LHPP: variants seen among roughly 807,000 people sequenced by gnomAD.
LHPP encodes the protein hLHPP.
A neutral mutation model predicts 30.3 loss-of-function variants in LHPP; 24 were observed. That is an observed-to-expected ratio of 0.79 (90% CI 0.57 to 1.11). The LOEUF (loss-of-function observed/expected upper bound fraction) is 1.11, where lower values mean the gene tolerates loss of function less well. Among genes scored for constraint, LHPP ranks in the 50% most tolerant of loss-of-function variants. The pLI is 0.00. For missense variants in LHPP, 356 were observed against 367.2 expected, an observed-to-expected ratio of 0.97 and a Z score of 0.25; for synonymous variants, 150 against 157.1, an observed-to-expected ratio of 0.95 and a Z score of 0.34.
At chr10:124,613,088 C>A in intron 6 of LHPP, 176 bp from the exon 7 acceptor site, 1 of 634,460 alleles carries the variant, frequency 1.6e-6, no homozygotes, top group Non-Finnish European at 2.9e-6. Flanking sequence ...GCCATGTGTG[C>A]CTGAGTAGGG....
At chr10:124,487,445 T>TC (rs112324477) in intron 2 of LHPP, among the ~76,000 whole-genome samples, 51,229 of 125,700 alleles carry the variant, frequency 0.41, 9,713 homozygotes, top group African/African-American at 0.61. Flanking sequence ...TTTCTTTCTT[T>TC]TTTTTTTTTT....
chr10:124,601,692 G>A (rs539701007), intron 6 of LHPP, among the ~76,000 whole-genome samples: 127 of 152,366 alleles, frequency 8.3e-4, no homozygotes, highest in African/African-American at 2.9e-3. Context: ...AAACCCAGCC[G>A]TAAATAAGCC....
intron 3 of LHPP, among the ~76,000 whole-genome samples, chr10:124,494,378 G>C (rs965121969): frequency 6.6e-6 from 1 of 152,196 alleles, no homozygotes. Context: ...TCCAAACAGA[G>C]CTGTACCTGT....
At chr10:124,535,892 C>T (rs1193597555) in intron 6 of LHPP, among the ~76,000 whole-genome samples, 1 of 152,260 alleles carries the variant, frequency 6.6e-6, no homozygotes, top group African/African-American at 2.4e-5. Context: ...CAGTTCTGCT[C>T]TGCTCCCTCA....
chr10:124,504,049 G>A (rs988252030), intron 5 of LHPP, among the ~76,000 whole-genome samples: 45 of 152,004 alleles, frequency 3.0e-4, no homozygotes, highest in Middle Eastern at 3.4e-3. Flanking sequence ...AAAATTAGCC[G>A]GGCCTGGCAG....
chr10:124,554,562 C>G (rs982843654), intron 6 of LHPP, among the ~76,000 whole-genome samples: 4 of 152,184 alleles, frequency 2.6e-5, no homozygotes, highest in Non-Finnish European at 5.9e-5. Flanking sequence ...GCCTAGTGCC[C>G]GGTGCAGAGC....
rs867935786 is a variant in LHPP at position 124,592,427 on chromosome 10, T to C, written c.717-20837T>C. On this transcript the variant is annotated intron_variant, in intron 6 of 6. Coordinates refer to ENST00000368842, the MANE Select transcript of LHPP (RefSeq NM_022126.4). The surrounding 1 kb of genome is among the most constrained non-coding windows in gnomAD (Gnocchi z 6.2). Reference sequence around the variant, plus strand: ...AGGGCTCAGGTTTGAGCTTTCATGATGAGACCCTGAGGTCACTGGCGGGGA... The same window carrying C: ...AGGGCTCAGGTTTGAGCTTTCATGACGAGACCCTGAGGTCACTGGCGGGGA... Among the ~76,000 whole-genome samples the C allele has an allele frequency of 1.3e-5, 2 of 152,342 alleles. No individual in the cohort carries two copies. Among genetic ancestry groups the C allele is most frequent in the Middle Eastern group, 3.4e-3 (1 of 294 alleles).
intron 1 of LHPP, among the ~76,000 whole-genome samples, chr10:124,467,119 A>G (rs149515836): frequency 1.1e-3 from 111 of 102,436 alleles, no homozygotes; most frequent in South Asian, 2.8e-3. Context: ...GTGAGACTCT[A>G]AAAAAAAAAA....
intron 6 of LHPP, among the ~76,000 whole-genome samples, chr10:124,532,874 AAGGGG>A (rs988517426): frequency 1.9e-4 from 29 of 152,296 alleles, no homozygotes; most frequent in African/African-American, 5.5e-4. Context: ...TGTCCCGAGG[AAGGGG>A]CATTCTGGGA....
At chr10:124,493,972 T>C (rs1374012860) in intron 3 of LHPP, 1 of 152,240 alleles carries the variant, frequency 6.6e-6, no homozygotes, top group Non-Finnish European at 1.5e-5. Flanking sequence ...AGAAAAATTC[T>C]GGGCACTATA....
chr10:124,590,053 G>A lies in LHPP; in HGVS notation c.717-23211G>A, dbSNP rs766972905. On this transcript the variant is annotated intron_variant, in intron 6 of 6. Transcript: ENST00000368842. The surrounding 1 kb of genome is among the most constrained non-coding windows in gnomAD (Gnocchi z 4.3). ...CCCCCGCCCTTAGAAAAATAAATGCGTGATTGACTGGCTTTGCAGGTTTTT... is the reference window on the plus strand; with the variant it reads ...CCCCCGCCCTTAGAAAAATAAATGCATGATTGACTGGCTTTGCAGGTTTTT... 3.3e-5 allele frequency among the ~76,000 whole-genome samples: 5 copies of A among 152,288 alleles called. No individual in the cohort carries two copies. The highest frequency in any genetic ancestry group is 7.2e-5 in the African/African-American group (3 of 41,552).
chr10:124,526,446 G>C (rs759779211), intron 6 of LHPP, among the ~76,000 whole-genome samples: 97 of 152,150 alleles, frequency 6.4e-4, no homozygotes, highest in Non-Finnish European at 4.9e-4. Flanking sequence ...TGTCAGAATC[G>C]GGATTCGAAC....
rs75346448 is a variant in LHPP at position 124,593,202 on chromosome 10, CAGAAG to C, written c.717-20058_717-20054del. Among the ~76,000 whole-genome samples, 11,983 of 152,214 alleles carry C rather than the reference CAGAAG, an allele frequency of 0.079. 494 individuals are homozygous for C. The highest frequency in any genetic ancestry group is 0.12 in the East Asian group (644 of 5,158). ...CTGGTCCCTGGATTGCAAGTCCAGA[CAGAAG>C]AGAGCGTCCTGGGAAGCCAGCTGAG... On this transcript the variant is annotated intron_variant, in intron 6 of 6. Transcript: ENST00000368842. This position sits in a 1 kb window ranked among gnomAD's most constrained non-coding sequence, Gnocchi z 4.9.
At chr10:124,537,287 G>A (rs957498660) in intron 6 of LHPP, among the ~76,000 whole-genome samples, 4 of 152,216 alleles carry the variant, frequency 2.6e-5, no homozygotes, top group African/African-American at 9.6e-5. Flanking sequence ...ATTGTGGGGT[G>A]CATGGGGGCC....
chr10:124,578,797 G>C (rs932195259), intron 6 of LHPP, among the ~76,000 whole-genome samples: 2 of 123,512 alleles, frequency 1.6e-5, no homozygotes, highest in Admixed American at 9.0e-5. Context: ...CCAGCACCTA[G>C]GGGGCATGGG....
Position 124,461,854 on chromosome 10 carries a change from C to G in LHPP, c.-9C>G. ...TGGGACGCGGAGCTGAGGAGCAGGG[C>G]CGGGCGCCATGGCACCGTGGGGCAA... On this transcript the variant is annotated 5_prime_UTR_variant, in exon 1 of 7. Transcript: ENST00000368842. 2.4e-6 allele frequency: 3 copies of G among 1,243,108 alleles called. No individual in the cohort carries two copies. Among genetic ancestry groups the G allele is most frequent in the Non-Finnish European group, 3.0e-6 (3 of 990,202 alleles). 77.0% of individuals were successfully genotyped at this position (1,243,108 alleles called of 1,614,324 possible).
At chr10:124,605,875 T>C (rs1009531993) in intron 6 of LHPP, among the ~76,000 whole-genome samples, 1 of 151,722 alleles carries the variant, frequency 6.6e-6, no homozygotes, top group Admixed American at 6.6e-5. Flanking sequence ...GGAACAGGCT[T>C]CAGCAGAAGA....
chr10:124,610,981 T>G (rs1949186670), intron 6 of LHPP, among the ~76,000 whole-genome samples: 3 of 51,102 alleles, frequency 5.9e-5, no homozygotes, highest in South Asian at 1.6e-3. Flanking sequence ...GTGAGGGTGC[T>G]GGTGGAGCGG....
At position 124,596,346 on chromosome 10, in the gene LHPP, G is replaced by A. The variant is rs1948941816; in HGVS notation, c.717-16918G>A. ...TGCCAAACATTTCTCCAGAGTGTCT[G>A]ATGTACCATGTTGCGCTCCCGCCAG... On this transcript the variant is annotated intron_variant, in intron 6 of 6. Transcript: ENST00000368842. The surrounding 1 kb of genome is among the most constrained non-coding windows in gnomAD (Gnocchi z 4.6). 6.6e-6 allele frequency among the ~76,000 whole-genome samples: 1 copy of A among 152,148 alleles called. No individual in the cohort carries two copies. The highest frequency in any genetic ancestry group is 1.5e-5 in the Non-Finnish European group (1 of 68,026).
Sources: gnomAD v4.1 joint callset for allele counts (sites outside exome capture counted in the v4.1 genomes callset) on GRCh38, gnomAD v4.1.1 for gene constraint, Gnocchi (gnomAD v3.1) non-coding constraint, MANE v1.5 for transcripts, NCBI Gene and HGNC (gene_info 2026-07-23, HGNC 2026-07-21) for gene names.